FOXK2: variants seen among roughly 807,000 people sequenced by gnomAD.
FOXK2 encodes the protein forkhead box K2.
FOXK2 carries 24 observed loss-of-function variants against 53.3 expected under a neutral mutation model. The observed-to-expected ratio is 0.45, with a 90% CI of 0.33 to 0.63. The LOEUF (loss-of-function observed/expected upper bound fraction) is 0.63. Among genes scored for constraint, FOXK2 ranks in the 30% least tolerant of loss-of-function variants. The probability of loss-of-function intolerance (pLI) is 0.03; values close to 1 mark genes in which losing one functional copy is unlikely to be tolerated. For missense variants in FOXK2, 952 were observed against 910.5 expected, an observed-to-expected ratio of 1.05 and a Z score of -0.59; for synonymous variants, 505 against 407.1, an observed-to-expected ratio of 1.24 and a Z score of -2.89.
chr17:82,602,804 C>CGGCCGAG lies in FOXK2; in HGVS notation c.*1318_*1324dup, dbSNP rs902994610. On this transcript the variant is annotated 3_prime_UTR_variant, in exon 9 of 9. Transcript: ENST00000335255. The stretch of plus-strand genomic sequence containing the variant: ...AACCGCTGGCCCTTCCCGAGTGTGC[C>CGGCCGAG]GGCCGAGGGCCGAGGGCCGTGCACA... 10 of 152,288 alleles carry CGGCCGAG rather than the reference C, an allele frequency of 6.6e-5. No individual in the cohort carries two copies. Among genetic ancestry groups the CGGCCGAG allele is most frequent in the African/African-American group, 1.4e-4 (6 of 41,478 alleles). 9.4% of individuals were successfully genotyped at this position (152,288 alleles called of 1,614,324 possible). A position where few individuals can be genotyped will look rare whatever the true frequency, so the allele number is the denominator to read the frequency against.
chr17:82,526,969 C>T (rs906791995), intron 1 of FOXK2, among the ~76,000 whole-genome samples: 5 of 152,070 alleles, frequency 3.3e-5, no homozygotes, highest in African/African-American at 7.3e-5. Context: ...CTGAGCAGAG[C>T]GGGTCGGAAC....
intron 1 of FOXK2, among the ~76,000 whole-genome samples, chr17:82,542,888 C>T (rs1057300363): frequency 2.0e-5 from 3 of 152,046 alleles, no homozygotes; most frequent in South Asian, 2.1e-4. Context: ...TGTGGTGGTG[C>T]GCACCTGTAG....
intron 8 of FOXK2, chr17:82,600,757 TG>T (rs1329495365): frequency 1.3e-5 from 2 of 154,122 alleles, no homozygotes; most frequent in Non-Finnish European, 2.9e-5. Flanking sequence ...GCAGCATCCA[TG>T]AGAAACTGTG....
intron 5 of FOXK2, among the ~76,000 whole-genome samples, chr17:82,583,213 C>T (rs989935571): frequency 6.6e-6 from 1 of 152,232 alleles, no homozygotes; most frequent in African/African-American, 2.4e-5. Flanking sequence ...GCCACGTCGA[C>T]GTTTTTCCTT....
At position 82,565,538 on chromosome 17, in the gene FOXK2, A is replaced by T. The variant is rs915683879; in HGVS notation, c.614+1990A>T. The stretch of plus-strand genomic sequence containing the variant: ...TTCAAAGAAGATATAGAAATGGCCA[A>T]TAAGGACATGAAAAGATATTCAGCA... On this transcript the variant is annotated intron_variant, in intron 2 of 8. Transcript: ENST00000335255. Among the ~76,000 whole-genome samples the T allele has an allele frequency of 7.9e-5, 12 of 152,364 alleles. No homozygotes were observed. In the South Asian group the frequency reaches 8.3e-4, roughly 11 times the overall value.
chr17:82,586,965 G>C (rs1306021822), intron 7 of FOXK2, 98 bp from the exon 8 acceptor site: 51 of 1,051,308 alleles, frequency 4.9e-5, no homozygotes, highest in Non-Finnish European at 6.7e-5. Flanking sequence ...ACATTTTCTA[G>C]CAGGTGTGAT....
At chr17:82,542,390 C>G (rs2044583449) in intron 1 of FOXK2, among the ~76,000 whole-genome samples, 1 of 152,070 alleles carries the variant, frequency 6.6e-6, no homozygotes, top group Admixed American at 6.6e-5. Context: ...GTCTCGAACT[C>G]CTGAACTCAG....
At position 82,571,835 on chromosome 17, in the gene FOXK2, T is replaced by C; in HGVS notation, c.874T>C (p.Tyr292His). 6.3e-7 allele frequency: 1 copy of C among 1,599,006 alleles called. No individual in the cohort carries two copies. Residue 292 changes from tyrosine (Y) to histidine (H), a missense_variant, in exon 4 of 9, where the codon TAT (tyrosine) becomes CAT (histidine). This residue lies in a region of FOXK2 where 160 missense variants were observed against 214.2 expected (regional missense o/e 0.75). Transcript: ENST00000335255. The part of the protein sequence containing the change: ...NGIYTHITKN[Y>H]PYYRTADKGW... Reference sequence around the variant, plus strand: ...GATTTATACACACATCACTAAAAATTATCCCTACTACAGGACTGCGGACAA... The same window carrying C: ...GATTTATACACACATCACTAAAAATCATCCCTACTACAGGACTGCGGACAA...
At chr17:82,564,765 CT>C (rs2044835912) in intron 2 of FOXK2, among the ~76,000 whole-genome samples, 6 of 150,418 alleles carry the variant, frequency 4.0e-5, no homozygotes, top group African/African-American at 1.5e-4. Context: ...GAGTTTCACC[CT>C]TTTTGCCCAG....
At chr17:82,564,833 C>T (rs772849338) in intron 2 of FOXK2, among the ~76,000 whole-genome samples, 9 of 151,120 alleles carry the variant, frequency 6.0e-5, no homozygotes, top group South Asian at 2.1e-4. Context: ...CAGGTTCAAG[C>T]GATTCTCAAG....
At chr17:82,567,289 G>T (rs967330497) in intron 2 of FOXK2, among the ~76,000 whole-genome samples, 1 of 152,092 alleles carries the variant, frequency 6.6e-6, no homozygotes, top group East Asian at 1.9e-4. Context: ...TCAATGGCTC[G>T]TTCTTTTTAT....
chr17:82,596,250 C>G (rs939017123), intron 8 of FOXK2: 2 of 975,634 alleles, frequency 2.0e-6, no homozygotes, highest in Middle Eastern at 5.2e-4. Context: ...TTTCACGTTA[C>G]TAGGGCAGTT....
At chr17:82,597,469 G>A (rs1006509227) in intron 8 of FOXK2, among the ~76,000 whole-genome samples, 9 of 152,052 alleles carry the variant, frequency 5.9e-5, no homozygotes, top group African/African-American at 1.7e-4. Context: ...TCTTCCTTGC[G>A]TGCCCTCCAC....
chr17:82,604,523 GTGA>G lies in FOXK2; in HGVS notation c.*3026_*3028del, dbSNP rs968314902. The G allele has an allele frequency of 1.3e-5, 2 of 152,614 alleles. No individual in the cohort carries two copies. Among genetic ancestry groups the G allele is most frequent in the African/African-American group, 2.4e-5 (1 of 41,440 alleles). The allele number at this position is 152,614 out of a possible 1,614,324, so 9.5% of individuals were successfully genotyped here. On this transcript the variant is annotated 3_prime_UTR_variant, in exon 9 of 9. Transcript: ENST00000335255. ...TTCCACTATTCTAGAAAGTATAGTG[GTGA>G]TTTGTGTGCAAAGATTTGAAGTTTT...
Position 82,595,987 on chromosome 17 carries a change from G to A in FOXK2, c.1787-5316G>A, listed in dbSNP as rs145058265. 4.4e-5 allele frequency: 51 copies of A among 1,168,504 alleles called. No homozygotes were observed. In the East Asian group the frequency reaches 5.3e-4, roughly 12 times the overall value. 72.4% of individuals were successfully genotyped at this position (1,168,504 alleles called of 1,614,324 possible). ...AGCGTGGATGCTGTTCCGAGTCAGCGTAGGAGAAAGGCCACTGGAAACCAG... is the reference window on the plus strand; with the variant it reads ...AGCGTGGATGCTGTTCCGAGTCAGCATAGGAGAAAGGCCACTGGAAACCAG... On this transcript the variant is annotated intron_variant, in intron 8 of 8. Transcript: ENST00000335255.
At chr17:82,555,387 A>G (rs530273281) in intron 1 of FOXK2, among the ~76,000 whole-genome samples, 31 of 152,242 alleles carry the variant, frequency 2.0e-4, no homozygotes, top group African/African-American at 7.2e-4. Flanking sequence ...GGCTCTTTTT[A>G]GTGTCATGAG....
At chr17:82,593,376 G>GGAAA (rs2045275572) in intron 8 of FOXK2, 1 of 151,798 alleles carries the variant, frequency 6.6e-6, no homozygotes, top group Non-Finnish European at 1.5e-5. Flanking sequence ...AGGGAGGGAG[G>GGAAA]GAAAGAGGAA....
At chr17:82,556,581 G>C (rs1212168715) in intron 1 of FOXK2, among the ~76,000 whole-genome samples, 1 of 152,092 alleles carries the variant, frequency 6.6e-6, no homozygotes, top group African/African-American at 2.4e-5. Context: ...GCTGGGGCTG[G>C]GGCTGGGGCT....
At chr17:82,577,178 A>G in intron 4 of FOXK2, 1 of 996,412 alleles carries the variant, frequency 1.0e-6, no homozygotes, top group East Asian at 2.5e-5. Flanking sequence ...AAGAAAAAGA[A>G]AAAAAGAAAT....
Sources: gnomAD v4.1 joint callset for allele counts (sites outside exome capture counted in the v4.1 genomes callset) on GRCh38, gnomAD v4.1.1 for gene constraint, gnomAD v4.1.1 regional missense constraint, MANE v1.5 for transcripts, NCBI Gene and HGNC (gene_info 2026-07-23, HGNC 2026-07-21) for gene names.